The following ZNF654 variants were observed in gnomAD, a reference collection of about 807,000 sequenced individuals.
ZNF654 encodes melanoma-associated antigen.
A neutral mutation model predicts 95.3 loss-of-function variants in ZNF654; 19 were observed. That is an observed-to-expected ratio of 0.20 (90% confidence interval 0.14 to 0.29). The LOEUF is 0.29. ZNF654 is among the 10% of genes least tolerant of loss of function. The pLI is 1.00. For synonymous variants in ZNF654, 413 were observed against 457.9 expected (o/e 0.90, Z 1.25); for missense variants, 1,046 against 1,341.0 (o/e 0.78, Z 3.44).
chr3:88,091,503 T>C (rs1025863875), intron 2 of ZNF654, among the ~76,000 whole-genome samples: 5 of 152,206 alleles, frequency 3.3e-5, no homozygotes, highest in African/African-American at 1.2e-4. Flanking sequence ...TTTAGTGTTA[T>C]GTGAAAATTC....
At chr3:88,137,827 A>G (rs1329092626) in intron 7 of ZNF654, among the ~76,000 whole-genome samples, 1 of 152,162 alleles carries the variant, frequency 6.6e-6, no homozygotes, top group Non-Finnish European at 1.5e-5. Flanking sequence ...AGGACTAAGA[A>G]AACGTGAGGC....
chr3:88,099,003 A>G (rs964139944), intron 2 of ZNF654, among the ~76,000 whole-genome samples: 8 of 152,164 alleles, frequency 5.3e-5, no homozygotes, highest in African/African-American at 1.7e-4. Context: ...GGCGAGAGAA[A>G]GAAATAAAGG....
rs143277793 is a variant in ZNF654 at position 88,103,684 on chromosome 3, G to A, written c.333-9431G>A. Reference sequence around the variant, plus strand: ...AAGAAGAATGAAGATAATGTGTAGCGGACATCTCTTCAGAAATTGCAAGTT... The same window carrying A: ...AAGAAGAATGAAGATAATGTGTAGCAGACATCTCTTCAGAAATTGCAAGTT... On this transcript the variant is annotated intron_variant, in intron 2 of 8. Coordinates refer to ENST00000636215, the MANE Select transcript of ZNF654 (RefSeq NM_001350134.2). Among the ~76,000 whole-genome samples the A allele has an allele frequency of 2.3e-3, 355 of 151,600 alleles. 2 individuals are homozygous for A. The highest frequency in any genetic ancestry group is 3.7e-3 in the East Asian group (19 of 5,178).
chr3:88,112,246 T>C (rs944102488), intron 2 of ZNF654, among the ~76,000 whole-genome samples: 8 of 150,240 alleles, frequency 5.3e-5, no homozygotes, highest in African/African-American at 1.9e-4. Flanking sequence ...CATTTTATAA[T>C]TTTAGTCTAT....
At chr3:88,105,589 G>A (rs1704686571) in intron 2 of ZNF654, among the ~76,000 whole-genome samples, 1 of 152,102 alleles carries the variant, frequency 6.6e-6, no homozygotes, top group Non-Finnish European at 1.5e-5. Context: ...TGCTAAATAT[G>A]CCCAGTGTTC....
intron 2 of ZNF654, among the ~76,000 whole-genome samples, chr3:88,097,210 G>A (rs2107701010): frequency 6.6e-6 from 1 of 152,214 alleles, no homozygotes; most frequent in South Asian, 2.1e-4. Context: ...CTAGATCAAA[G>A]AGTGTAATTT....
chr3:88,136,798 C>A (rs1706812256), intron 7 of ZNF654, among the ~76,000 whole-genome samples: 1 of 152,110 alleles, frequency 6.6e-6, no homozygotes, highest in South Asian at 2.1e-4. Flanking sequence ...TATCCTGGAA[C>A]CATCAAAAGA....
intron 1 of ZNF654, among the ~76,000 whole-genome samples, chr3:88,064,872 A>G (rs1272794956): frequency 5.9e-5 from 9 of 152,248 alleles, no homozygotes; most frequent in Non-Finnish European, 1.3e-4. Flanking sequence ...AGTAAATAAT[A>G]ATATGAAAGA....
In ZNF654 at chr3:88,139,598, T is replaced by C; in HGVS notation, c.1929T>C (p.Leu643=). The C allele has an allele frequency of 6.2e-7, 1 of 1,613,772 alleles. No homozygotes were observed. Among genetic ancestry groups the C allele is most frequent in the Non-Finnish European group, 8.5e-7 (1 of 1,179,768 alleles). Residue 643 remains leucine (L), a synonymous_variant, in exon 8 of 9, where the codon CTT becomes CTC. Coordinates refer to ENST00000636215, the MANE Select transcript of ZNF654 (RefSeq NM_001350134.2). ...SDSKDLEVET[L]TASSEGNKEV... ...GTAAGGATTTGGAAGTGGAGACACT[T>C]ACTGCTTCTAGTGAAGGAAACAAAG...
chr3:88,107,733 C>T (rs1704831130), intron 2 of ZNF654, among the ~76,000 whole-genome samples: 1 of 152,062 alleles, frequency 6.6e-6, no homozygotes, highest in Non-Finnish European at 1.5e-5. Flanking sequence ...ATTTTTTCTT[C>T]AGGTGTATCT....
At chr3:88,116,794 C>G (rs1306430191) in intron 3 of ZNF654, among the ~76,000 whole-genome samples, 1 of 152,024 alleles carries the variant, frequency 6.6e-6, no homozygotes, top group Non-Finnish European at 1.5e-5. Flanking sequence ...CTCTCATAGG[C>G]CATGATCTAC....
At chr3:88,089,081 A>T (rs528260662) in intron 2 of ZNF654, among the ~76,000 whole-genome samples, 3 of 151,866 alleles carry the variant, frequency 2.0e-5, no homozygotes, top group Admixed American at 6.6e-5. Flanking sequence ...CCTAAAAAAA[A>T]CTGTATTAAA....
chr3:88,071,945 T>G (rs959895488), intron 1 of ZNF654, among the ~76,000 whole-genome samples: 4 of 152,246 alleles, frequency 2.6e-5, no homozygotes, highest in African/African-American at 9.6e-5. Context: ...TTGTAAGTGC[T>G]CATAAAATGC....
chr3:88,069,061 A>G (rs1225885331), intron 1 of ZNF654, among the ~76,000 whole-genome samples: 1 of 152,320 alleles, frequency 6.6e-6, no homozygotes, highest in South Asian at 2.1e-4. Context: ...AGCAGAAACT[A>G]AAGATGTTCA....
chr3:88,140,374 G>A lies in ZNF654; in HGVS notation c.2705G>A (p.Ser902Asn). Residue 902 changes from serine to asparagine, a missense_variant, in exon 8 of 9, where the codon AGT becomes AAT. Ser to Asn is a conservative substitution (Grantham distance 46). Coordinates refer to ENST00000636215, the MANE Select transcript of ZNF654 (RefSeq NM_001350134.2). ...CCTAATCAGGAAAAAGACTCATCTAGTAATGAGAAACAAACTATTAGTCTG... is the reference window on the plus strand; with the variant it reads ...CCTAATCAGGAAAAAGACTCATCTAATAATGAGAAACAAACTATTAGTCTG... The part of the protein sequence containing the change: ...SNPNQEKDSS[S>N]NEKQTISLPV... 1.9e-6 allele frequency: 3 copies of A among 1,613,076 alleles called. No individual in the cohort carries two copies. In the Admixed American group the frequency reaches 5.0e-5, roughly 27 times the overall value.
intron 6 of ZNF654, among the ~76,000 whole-genome samples, chr3:88,133,620 A>C (rs1706594898): frequency 3.3e-5 from 5 of 152,162 alleles, no homozygotes; most frequent in Non-Finnish European, 7.3e-5. Flanking sequence ...GTGAGAATAA[A>C]TGAAGCAGTT....
chr3:88,115,421 A>G (rs1043695142), intron 3 of ZNF654, among the ~76,000 whole-genome samples: 1 of 152,148 alleles, frequency 6.6e-6, no homozygotes, highest in Non-Finnish European at 1.5e-5. Context: ...TAGTCACTTT[A>G]TGGGTTAAAT....
At chr3:88,061,143 G>A (rs1706858683) in intron 1 of ZNF654, among the ~76,000 whole-genome samples, 1 of 152,034 alleles carries the variant, frequency 6.6e-6, no homozygotes, top group Non-Finnish European at 1.5e-5. Flanking sequence ...GCTATTGGTA[G>A]ATTTTGTATC....
intron 2 of ZNF654, among the ~76,000 whole-genome samples, chr3:88,101,887 A>G (rs1197905631): frequency 2.0e-5 from 3 of 151,946 alleles, no homozygotes; most frequent in Non-Finnish European, 4.4e-5. Context: ...TTTGTTTTTA[A>G]TTTGCATTTC....
Sources: gnomAD v4.1 joint callset for allele counts (sites outside exome capture counted in the v4.1 genomes callset) on GRCh38, gnomAD v4.1.1 for gene constraint, MANE v1.5 for transcripts, NCBI Gene and HGNC (gene_info 2026-07-23, HGNC 2026-07-21) for gene names.